Variants in PCDHGA3 observed in about 807,000 individuals in gnomAD.
PCDHGA3 encodes protocadherin gamma-A3.
A neutral mutation model predicts 58.5 loss-of-function variants in PCDHGA3; 40 were observed. The observed-to-expected ratio is 0.68, with a 90% CI of 0.53 to 0.89. The LOEUF (loss-of-function observed/expected upper bound fraction) is 0.89, where lower values mean the gene tolerates loss of function less well. Ranked by LOEUF, PCDHGA3 falls within the 40% of genes least tolerant of loss-of-function variation. PCDHGA3 has a pLI of 0.00. For synonymous variants in PCDHGA3, 530 were observed against 525.7 expected (o/e 1.01, Z -0.11); for missense variants, 1,223 against 1,195.9 (o/e 1.02, Z -0.33).
intron 1 of PCDHGA3, among the ~76,000 whole-genome samples, chr5:141,347,139 C>CTTTCTTTCTTTCTTTCT (rs1757899271): frequency 1.1e-5 from 1 of 89,008 alleles, no homozygotes; most frequent in Admixed American, 1.1e-4. Context: ...CTGTTTCTCT[C>CTTTCTTTCTTTCTTTCT]TTTCTTTCTT....
intron 1 of PCDHGA3, chr5:141,418,230 A>T (rs745395585): frequency 6.2e-7 from 1 of 1,614,058 alleles, no homozygotes; most frequent in Non-Finnish European, 8.5e-7. Context: ...GTGGTGATTG[A>T]GGATGTTAAT....
chr5:141,348,066 C>G (rs1386976646), intron 1 of PCDHGA3, among the ~76,000 whole-genome samples: 2 of 152,164 alleles, frequency 1.3e-5, no homozygotes, highest in Non-Finnish European at 2.9e-5. Flanking sequence ...TTGTCATGTT[C>G]TACAACTTTC....
At chr5:141,428,493 T>G in intron 1 of PCDHGA3, 1 of 307,146 alleles carries the variant, frequency 3.3e-6, no homozygotes, top group Non-Finnish European at 6.3e-6. Context: ...GCAATCTGTA[T>G]GTTCCCTCGG....
rs1562144438 is a variant in PCDHGA3, at chr5:141,491,135, G to A, written c.2425-3672G>A. On this transcript the variant is annotated intron_variant, in intron 1 of 3. Transcript: ENST00000253812. The surrounding 1 kb of genome is among the most constrained non-coding windows in gnomAD (Gnocchi z 6.9). Reference sequence around the variant, plus strand: ...CACACTGGTGAGGTGCGCACAGCCCGGGCCTTACTGGAGGATGACTCTGAC... The same window carrying A: ...CACACTGGTGAGGTGCGCACAGCCCAGGCCTTACTGGAGGATGACTCTGAC... 4 of 1,614,104 alleles carry A rather than the reference G, an allele frequency of 2.5e-6. No homozygotes were observed. The highest frequency in any genetic ancestry group is 1.3e-5 in the African/African-American group (1 of 75,034).
At chr5:141,483,009 C>G (rs538900128) in intron 1 of PCDHGA3, among the ~76,000 whole-genome samples, 1 of 152,060 alleles carries the variant, frequency 6.6e-6, no homozygotes, top group South Asian at 2.1e-4. Context: ...TGCTTGAACC[C>G]GGGAGGCAGA....
rs1410460145 is a variant in PCDHGA3 at position 141,490,798 on chromosome 5, C to T, written c.2425-4009C>T. On this transcript the variant is annotated intron_variant, in intron 1 of 3. Coordinates refer to ENST00000253812, the MANE Select transcript of PCDHGA3 (RefSeq NM_018916.4). The surrounding 1 kb of genome is among the most constrained non-coding windows in gnomAD (Gnocchi z 5.4). The stretch of plus-strand genomic sequence containing the variant: ...AGAGGATGGACGGATCTTTGCCCAG[C>T]GTACCTTTGACTATGAATTGCTGCA... 9.3e-6 allele frequency: 15 copies of T among 1,613,808 alleles called. No individual in the cohort carries two copies. Among genetic ancestry groups the T allele is most frequent in the Admixed American group, 6.7e-5 (4 of 60,002 alleles).
chr5:141,395,521 T>G, intron 1 of PCDHGA3: 7 of 388,350 alleles, frequency 1.8e-5, no homozygotes, highest in East Asian at 5.0e-5. Flanking sequence ...TACCCGTCCA[T>G]ACTGGTAATT....
At chr5:141,460,456 T>C (rs2098989632) in intron 1 of PCDHGA3, among the ~76,000 whole-genome samples, 1 of 152,124 alleles carries the variant, frequency 6.6e-6, no homozygotes, top group South Asian at 2.1e-4. Flanking sequence ...AAGATTCATA[T>C]TTTTTTCCAA....
Position 141,487,830 on chromosome 5 carries a change from T to C in PCDHGA3, c.2425-6977T>C, listed in dbSNP as rs1410090651. On this transcript the variant is annotated intron_variant, in intron 1 of 3. Transcript: ENST00000253812. This position sits in a 1 kb window ranked among gnomAD's most constrained non-coding sequence, Gnocchi z 5.0. ...TTTAGCATTGGGGGCGGGTCATGCC[T>C]ATATCTGAGTAAGAAATGAAAGTAA... The C allele has an allele frequency of 3.5e-6, 4 of 1,139,942 alleles. No homozygotes were observed. The highest frequency in any genetic ancestry group is 1.6e-5 in the African/African-American group (1 of 63,734). The allele number at this position is 1,139,942 out of a possible 1,614,324, so 70.6% of individuals were successfully genotyped here.
At position 141,493,906 on chromosome 5, in the gene PCDHGA3, G is replaced by A. The variant is rs2099750764; in HGVS notation, c.2425-901G>A. ...CTCTAGGAGTGCTCCATGAGAGTGT[G>A]TGATGGGATAACACACCCCCTGGAA... is the stretch of plus-strand genomic sequence containing the variant. On this transcript the variant is annotated intron_variant, in intron 1 of 3. Transcript: ENST00000253812. The surrounding 1 kb of genome is among the most constrained non-coding windows in gnomAD (Gnocchi z 4.3). Among the ~76,000 whole-genome samples the A allele has an allele frequency of 6.6e-6, 1 of 152,200 alleles. No individual in the cohort carries two copies. Among genetic ancestry groups the A allele is most frequent in the Non-Finnish European group, 1.5e-5 (1 of 68,032 alleles).
Position 141,415,510 on chromosome 5 carries a change from T to C in PCDHGA3, c.2424+69053T>C, listed in dbSNP as rs780820182. On this transcript the variant is annotated intron_variant, in intron 1 of 3. Coordinates refer to ENST00000253812, the MANE Select transcript of PCDHGA3 (RefSeq NM_018916.4). ...TCACCTGATCTTCCCCCAGCCCAAT[T>C]ATGCGGACACGCTCATCAGCCAGGA... The C allele has an allele frequency of 2.5e-6, 4 of 1,614,088 alleles. No homozygotes were observed. The African/African-American group carries it at 5.3e-5, about 22-fold the overall frequency.
At chr5:141,384,310 A>T in intron 1 of PCDHGA3, 2 of 1,613,676 alleles carry the variant, frequency 1.2e-6, no homozygotes, top group East Asian at 4.5e-5. Flanking sequence ...AGGGGCCTCC[A>T]TTTTCTTAGT....
rs368438944 is a variant in PCDHGA3, at chr5:141,350,232, G to A, written c.2424+3775G>A. ...ATTTCTTTTTGAAAAACATCCCAGAGGAAAGAAGCTCCGCGGAGAGTTCCT... is the reference window on the plus strand; with the variant it reads ...ATTTCTTTTTGAAAAACATCCCAGAAGAAAGAAGCTCCGCGGAGAGTTCCT... On this transcript the variant is annotated intron_variant, in intron 1 of 3. Coordinates refer to ENST00000253812, the MANE Select transcript of PCDHGA3 (RefSeq NM_018916.4). 158 of 1,502,678 alleles carry A rather than the reference G, an allele frequency of 1.1e-4. 1 individual carries two copies. Among genetic ancestry groups the A allele is most frequent in the South Asian group, 2.8e-5 (2 of 70,498 alleles). 93.1% of individuals were successfully genotyped at this position (1,502,678 alleles called of 1,614,324 possible).
chr5:141,421,251 G>C (rs771398829), intron 1 of PCDHGA3: 1 of 1,606,888 alleles, frequency 6.2e-7, no homozygotes, highest in Non-Finnish European at 8.5e-7. Context: ...TACAGCGCGG[G>C]GACCGCAGTC....
At chr5:141,386,384 A>G (rs1033532471) in intron 1 of PCDHGA3, among the ~76,000 whole-genome samples, 6 of 152,220 alleles carry the variant, frequency 3.9e-5, no homozygotes, top group Non-Finnish European at 8.8e-5. Flanking sequence ...TATTAATTAA[A>G]AACACACTTT....
intron 1 of PCDHGA3, chr5:141,374,736 G>A (rs1770792620): frequency 1.9e-6 from 3 of 1,611,042 alleles, no homozygotes; most frequent in Non-Finnish European, 1.7e-6. Context: ...ATGGATGGCG[G>A]CGACCCTGTC....
At chr5:141,410,619 C>T (rs757187051) in intron 1 of PCDHGA3, 8 of 1,603,614 alleles carry the variant, frequency 5.0e-6, no homozygotes, top group Admixed American at 3.3e-5. Flanking sequence ...ACTCTGACTT[C>T]GGTGAGTTTC....
At chr5:141,384,938 C>T (rs754481008) in intron 1 of PCDHGA3, 26 of 1,613,824 alleles carry the variant, frequency 1.6e-5, no homozygotes, top group Non-Finnish European at 2.2e-5. Flanking sequence ...AGCCTTGAGC[C>T]CTCCGACGGT....
intron 1 of PCDHGA3, chr5:141,361,457 A>G: frequency 6.2e-7 from 1 of 1,614,036 alleles, no homozygotes; most frequent in Non-Finnish European, 8.5e-7. Context: ...GTCACCCTGC[A>G]CATCTCCGAC....
Sources: gnomAD v4.1 joint callset for allele counts (sites outside exome capture counted in the v4.1 genomes callset) on GRCh38, gnomAD v4.1.1 for gene constraint, Gnocchi (gnomAD v3.1) non-coding constraint, MANE v1.5 for transcripts, NCBI Gene and HGNC (gene_info 2026-07-23, HGNC 2026-07-21) for gene names.